RASEF: variants seen among roughly 807,000 people sequenced by gnomAD.
The protein encoded by RASEF is RAS and EF-hand domain containing.
RASEF carries 68 observed loss-of-function variants against 90.1 expected under a neutral mutation model. The ratio of observed to expected loss-of-function variants is 0.75; its 90% CI spans 0.62 to 0.92. The LOEUF (loss-of-function observed/expected upper bound fraction) is 0.92, where lower values mean the gene tolerates loss of function less well. Among genes scored for constraint, RASEF ranks in the 40% least tolerant of loss-of-function variants. The pLI, the probability that RASEF is intolerant of heterozygous loss-of-function variation, is 0.00. For synonymous variants in RASEF, 331 were observed against 345.2 expected, an observed-to-expected ratio of 0.96 and a Z score of 0.46; for missense variants, 949 against 937.2, an observed-to-expected ratio of 1.01 and a Z score of -0.16.
At chr9:83,021,197 G>T (rs750601009) in intron 3 of RASEF, among the ~76,000 whole-genome samples, 1 of 152,172 alleles carries the variant, frequency 6.6e-6, no homozygotes, top group Non-Finnish European at 1.5e-5. Context: ...AGATCATCAT[G>T]TCTAACCCCT....
the RASEF span, among the ~76,000 whole-genome samples, chr9:83,084,086 C>T: frequency 7.9e-5 from 12 of 151,924 alleles, no homozygotes; most frequent in Admixed American, 7.2e-4. Context: ...ATAACAAGAA[C>T]GTGGTATAAG....
chr9:83,105,473 A>C, the RASEF span, among the ~76,000 whole-genome samples: 1 of 152,154 alleles, frequency 6.6e-6, no homozygotes, highest in African/African-American at 2.4e-5. Context: ...GTCACTCCCC[A>C]AGTTTATTTA....
the RASEF span, among the ~76,000 whole-genome samples, chr9:83,092,297 T>C: frequency 1.3e-5 from 2 of 152,162 alleles, no homozygotes; most frequent in Admixed American, 6.5e-5. Flanking sequence ...GGTGGGTTCT[T>C]GGTCTCACTG....
the RASEF span, among the ~76,000 whole-genome samples, chr9:83,157,779 C>A: frequency 6.6e-6 from 1 of 152,122 alleles, no homozygotes; most frequent in Non-Finnish European, 1.5e-5. Flanking sequence ...AAAACTTGGG[C>A]ACTGCATTTA....
chr9:83,099,102 A>G, the RASEF span, among the ~76,000 whole-genome samples: 2 of 152,176 alleles, frequency 1.3e-5, no homozygotes, highest in South Asian at 4.1e-4. Context: ...CCATATATCT[A>G]TATTTATTAT....
Position 82,992,941 on chromosome 9 carries a change from AT to A in RASEF, c.2004del (p.Lys668AsnfsTer13). 6.2e-7 allele frequency: 1 copy of A among 1,613,934 alleles called. No individual in the cohort carries two copies. The stretch of plus-strand genomic sequence containing the variant: ...TTCTCTCCAAAGTGCCCTGGGACAC[AT>A]TTTTGTCCCTCTGTAGCAGCAGTGT... ...IRDTAATEGQ[K>X]CVPGHFGEKL... On this transcript the variant is annotated frameshift_variant, in exon 15 of 17. Coordinates refer to ENST00000376447, the MANE Select transcript of RASEF (RefSeq NM_152573.4). LOFTEE classifies it high-confidence loss of function.
chr9:83,061,386 C>T (rs1342843821), intron 1 of RASEF, among the ~76,000 whole-genome samples: 1 of 152,202 alleles, frequency 6.6e-6, no homozygotes, highest in Non-Finnish European at 1.5e-5. Flanking sequence ...TTTCAATGTT[C>T]TGTCTCAGAT....
chr9:83,012,401 G>C (rs778652559), intron 5 of RASEF, 33 bp downstream of exon 5: 2 of 1,180,276 alleles, frequency 1.7e-6, no homozygotes, highest in Admixed American at 4.4e-5. Context: ...CTAACAGGAA[G>C]TGCATTTCTG....
chr9:83,166,396 G>T, the RASEF span, among the ~76,000 whole-genome samples: 1 of 152,070 alleles, frequency 6.6e-6, no homozygotes, highest in South Asian at 2.1e-4. Context: ...GTGTCTCCTG[G>T]CAAGAACTCT....
chr9:83,070,480 T>C, the RASEF span, among the ~76,000 whole-genome samples: 45 of 152,304 alleles, frequency 3.0e-4, no homozygotes, highest in African/African-American at 1.1e-3. Context: ...CTATTGACTT[T>C]TCATCTATTC....
At chr9:83,119,155 A>T in the RASEF span, among the ~76,000 whole-genome samples, 1 of 149,066 alleles carries the variant, frequency 6.7e-6, no homozygotes, top group Non-Finnish European at 1.5e-5. Context: ...TTACAGGCAC[A>T]TGCCACCATG....
Position 83,062,567 on chromosome 9 carries a change from C to A in RASEF, c.301G>T (p.Asp101Tyr). Reference protein sequence around the residue: ...AVSEAGPETHDSEEDEGDEDA... With the variant: ...AVSEAGPETHYSEEDEGDEDA... ...TCGTCGCCTTCGTCCTCCTCGCTGT[C>A]GTGTGTCTCCGGCCCCGCCTCAGAC... The change falls in exon 1 of 17, where the codon GAC (aspartate) becomes TAC (tyrosine). Residue 101 changes from aspartate to tyrosine, a missense_variant. By Grantham distance (160) the Asp-to-Tyr change is radical. Transcript: ENST00000376447. 1 of 1,590,446 alleles carries A rather than the reference C, an allele frequency of 6.3e-7. No homozygotes were observed. The highest frequency in any genetic ancestry group is 1.7e-5 in the Admixed American group (1 of 58,060).
chr9:82,983,441 C>A (rs978208167), intron 16 of RASEF, among the ~76,000 whole-genome samples: 1 of 152,132 alleles, frequency 6.6e-6, no homozygotes, highest in Non-Finnish European at 1.5e-5. Context: ...CTTATGAAAA[C>A]CCCCTAAGGA....
chr9:83,062,929 G>A lies in RASEF; in HGVS notation c.-62C>T. 2 of 1,367,262 alleles carry A rather than the reference G, an allele frequency of 1.5e-6. No homozygotes were observed. Among genetic ancestry groups the A allele is most frequent in the Non-Finnish European group, 1.9e-6 (2 of 1,067,322 alleles). The allele number at this position is 1,367,262 out of a possible 1,614,324, so 84.7% of individuals were successfully genotyped here. The stretch of plus-strand genomic sequence containing the variant: ...GCCGCGGGGCGCAGGGCCCTCCCTG[G>A]AAGGACGGGGCCACCTGCTGCCGCC... On this transcript the variant is annotated 5_prime_UTR_variant, in exon 1 of 17. Transcript: ENST00000376447.
chr9:82,983,168 C>T, intron 16 of RASEF, among the ~76,000 whole-genome samples: 1 of 151,332 alleles, frequency 6.6e-6, no homozygotes, highest in Non-Finnish European at 1.5e-5. Context: ...CTTCTCCCCT[C>T]ACTCTCTCCT....
chr9:83,029,176 A>T (rs2118589481), intron 1 of RASEF, among the ~76,000 whole-genome samples: 1 of 152,260 alleles, frequency 6.6e-6, no homozygotes, highest in Admixed American at 6.5e-5. Context: ...AAGGATTCAA[A>T]CTCAGTCTCA....
chr9:83,026,350 C>T (rs906433423), intron 1 of RASEF, among the ~76,000 whole-genome samples: 1 of 152,072 alleles, frequency 6.6e-6, no homozygotes, highest in African/African-American at 2.4e-5. Flanking sequence ...TAAAGAAATA[C>T]CCAAGACTGG....
the RASEF span, among the ~76,000 whole-genome samples, chr9:83,214,380 G>A: frequency 1.3e-5 from 2 of 152,056 alleles, no homozygotes; most frequent in East Asian, 1.9e-4. Flanking sequence ...GCAAGACTCT[G>A]TCTCAAAAAA....
At chr9:83,081,130 T>C in the RASEF span, among the ~76,000 whole-genome samples, 1 of 152,082 alleles carries the variant, frequency 6.6e-6, no homozygotes, top group African/African-American at 2.4e-5. Flanking sequence ...ATGAGGAAAC[T>C]AAGGCACAGA....
Sources: gnomAD v4.1 joint callset for allele counts (sites outside exome capture counted in the v4.1 genomes callset) on GRCh38, gnomAD v4.1.1 for gene constraint, MANE v1.5 for transcripts, NCBI Gene and HGNC (gene_info 2026-07-23, HGNC 2026-07-21) for gene names.